MGST1: variants seen among roughly 807,000 people sequenced by gnomAD.
The protein encoded by MGST1 is microsomal glutathione S-transferase 1.
MGST1 carries 5 observed loss-of-function variants against 8.9 expected under a neutral mutation model. The ratio of observed to expected loss-of-function variants is 0.56; its 90% CI spans 0.29 to 1.19. The LOEUF (loss-of-function observed/expected upper bound fraction) is 1.19. MGST1 is among the 50% of genes most tolerant of loss of function. The pLI is 0.08. For missense variants in MGST1, 182 were observed against 187.4 expected, an observed-to-expected ratio of 0.97 and a Z score of 0.17; for synonymous variants, 54 against 67.8, an observed-to-expected ratio of 0.80 and a Z score of 1.00.
intron 4 of MGST1, among the ~76,000 whole-genome samples, chr12:16,531,305 G>T (rs1356855961): frequency 6.6e-6 from 1 of 151,676 alleles, no homozygotes; most frequent in Non-Finnish European, 1.5e-5. Flanking sequence ...TTTTTATTGA[G>T]ATTATTTTTA....
Position 16,584,595 on chromosome 12 carries a change from A to G in MGST1, n.483-4933A>G, listed in dbSNP as rs115400109. 0.048 allele frequency among the ~76,000 whole-genome samples: 7,317 copies of G among 152,180 alleles called. 346 individuals are homozygous for G. Among genetic ancestry groups the G allele is most frequent in the African/African-American group, 0.12 (5,045 of 41,498 alleles). On this transcript the variant is annotated intron_variant and non_coding_transcript_variant, in intron 4 of 4. Coordinates refer to the MGST1 transcript ENST00000538857. The surrounding 1 kb of genome is among the most constrained non-coding windows in gnomAD (Gnocchi z 5.2). ...TGGCAAGTGGAGGAGTGGGGGGGGT[A>G]AGAGGCCTGTTTAGAGGTGGATGGC...
intron 4 of MGST1, among the ~76,000 whole-genome samples, chr12:16,491,070 CTATT>C (rs1362427925): frequency 2.6e-5 from 4 of 152,054 alleles, no homozygotes; most frequent in African/African-American, 9.7e-5. Context: ...CTCGATATAA[CTATT>C]TATATGTTTT....
chr12:16,476,674 A>G (rs1296178744), intron 4 of MGST1, among the ~76,000 whole-genome samples: 3 of 152,192 alleles, frequency 2.0e-5, no homozygotes, highest in Non-Finnish European at 4.4e-5. Context: ...ACTGCTTTAG[A>G]TAATAATTTT....
chr12:16,347,890 C>G lies in MGST1; in HGVS notation c.-23+180C>G, dbSNP rs1387735256. On this transcript the variant is annotated intron_variant, in intron 1 of 3. Coordinates refer to ENST00000396210, the MANE Select transcript of MGST1 (RefSeq NM_020300.5). The surrounding 1 kb of genome is among the most constrained non-coding windows in gnomAD (Gnocchi z 4.0). ...TTTGAAAGGGAATTGTATTTCTGTCCCCGTGCGGGTAAGTTTTCCCATTTC... is the reference window on the plus strand; with the variant it reads ...TTTGAAAGGGAATTGTATTTCTGTCGCCGTGCGGGTAAGTTTTCCCATTTC... 1.3e-5 allele frequency: 2 copies of G among 152,144 alleles called. No individual in the cohort carries two copies. Among genetic ancestry groups the G allele is most frequent in the Non-Finnish European group, 2.9e-5 (2 of 68,048 alleles). The allele number at this position is 152,144 out of a possible 1,614,324, so 9.4% of individuals were successfully genotyped here.
At chr12:16,350,458 C>A (rs1430361645) in intron 1 of MGST1, among the ~76,000 whole-genome samples, 3 of 152,108 alleles carry the variant, frequency 2.0e-5, no homozygotes, top group African/African-American at 7.2e-5. Flanking sequence ...TCCTTCATTC[C>A]TTGAATCCTC....
intron 1 of MGST1, among the ~76,000 whole-genome samples, chr12:16,422,754 G>A (rs1477482864): frequency 6.6e-6 from 1 of 152,176 alleles, no homozygotes; most frequent in African/African-American, 2.4e-5. Context: ...TCTCAGGCCA[G>A]TTACTAAGAC....
chr12:16,491,060 C>T (rs1941434853), intron 4 of MGST1, among the ~76,000 whole-genome samples: 2 of 152,100 alleles, frequency 1.3e-5, no homozygotes, highest in South Asian at 4.1e-4. Flanking sequence ...ATCAAATTCT[C>T]TCGATATAAC....
At chr12:16,360,614 A>T (rs1196777888) in intron 3 of MGST1, among the ~76,000 whole-genome samples, 1 of 152,216 alleles carries the variant, frequency 6.6e-6, no homozygotes, top group African/African-American at 2.4e-5. Flanking sequence ...ACACAAAAAG[A>T]TAAAAAGAAA....
chr12:16,557,736 T>C (rs1942245271), intron 4 of MGST1, among the ~76,000 whole-genome samples: 1 of 152,110 alleles, frequency 6.6e-6, no homozygotes. Flanking sequence ...AATTATTTTA[T>C]TGAAGTTTCA....
intron 4 of MGST1, among the ~76,000 whole-genome samples, chr12:16,588,384 A>G (rs1057054762): frequency 6.6e-6 from 1 of 152,038 alleles, no homozygotes; most frequent in Non-Finnish European, 1.5e-5. Flanking sequence ...ACCTGAGAAA[A>G]AGATGCAAAA....
At chr12:16,399,135 C>T (rs1940630957) in intron 1 of MGST1, 1 of 823,538 alleles carries the variant, frequency 1.2e-6, no homozygotes, top group Non-Finnish European at 1.9e-6. Flanking sequence ...GATTGGTCCA[C>T]ATAAATGGCC....
intron 4 of MGST1, among the ~76,000 whole-genome samples, chr12:16,554,382 A>G (rs771022713): frequency 3.3e-5 from 5 of 152,192 alleles, no homozygotes; most frequent in South Asian, 2.1e-4. Flanking sequence ...GCTCCAATCC[A>G]TATTTCTAGT....
rs1200189498 is a variant in MGST1 at position 16,517,580 on chromosome 12, G to T, written n.483-71948G>T. On this transcript the variant is annotated intron_variant and non_coding_transcript_variant, in intron 4 of 4. Transcript: ENST00000538857. The surrounding 1 kb of genome is among the most constrained non-coding windows in gnomAD (Gnocchi z 4.2). ...ACTACAGCAGCACAAAACAGAGACAGCAGGTATCAGTAATATTTTGTTATA... is the reference window on the plus strand; with the variant it reads ...ACTACAGCAGCACAAAACAGAGACATCAGGTATCAGTAATATTTTGTTATA... 1.3e-5 allele frequency among the ~76,000 whole-genome samples: 2 copies of T among 152,162 alleles called. No individual in the cohort carries two copies. The highest frequency in any genetic ancestry group is 4.8e-5 in the African/African-American group (2 of 41,432).
intron 4 of MGST1, among the ~76,000 whole-genome samples, chr12:16,444,791 G>C (rs1332629266): frequency 1.3e-5 from 2 of 151,908 alleles, no homozygotes; most frequent in Admixed American, 6.6e-5. Context: ...ATCATGGATT[G>C]CTGCAGGGCC....
chr12:16,506,241 C>A (rs1267086161), intron 4 of MGST1, among the ~76,000 whole-genome samples: 1 of 152,100 alleles, frequency 6.6e-6, no homozygotes, highest in Non-Finnish European at 1.5e-5. Flanking sequence ...GAACCCGATT[C>A]CAACAGTGAC....
intron 4 of MGST1, among the ~76,000 whole-genome samples, chr12:16,448,913 A>T (rs1941105496): frequency 6.6e-6 from 1 of 151,938 alleles, no homozygotes; most frequent in Admixed American, 6.6e-5. Context: ...GTACTTTAAG[A>T]GATATCATTT....
Position 16,582,355 on chromosome 12 carries a change from G to A in MGST1, n.483-7173G>A, listed in dbSNP as rs1036548121. ...TGTTCCTATAGTATTATTCATTTTAGACAGTGACAGACTATTTGCTAATAT... is the reference window on the plus strand; with the variant it reads ...TGTTCCTATAGTATTATTCATTTTAAACAGTGACAGACTATTTGCTAATAT... On this transcript the variant is annotated intron_variant and non_coding_transcript_variant, in intron 4 of 4. Coordinates refer to the MGST1 transcript ENST00000538857. This position sits in a 1 kb window ranked among gnomAD's most constrained non-coding sequence, Gnocchi z 4.1. Among the ~76,000 whole-genome samples, 2 of 152,146 alleles carry A rather than the reference G, an allele frequency of 1.3e-5. No homozygotes were observed. The highest frequency in any genetic ancestry group is 2.9e-5 in the Non-Finnish European group (2 of 68,022).
At chr12:16,488,185 C>G (rs940507862) in intron 4 of MGST1, among the ~76,000 whole-genome samples, 5 of 152,144 alleles carry the variant, frequency 3.3e-5, no homozygotes, top group Non-Finnish European at 7.3e-5. Flanking sequence ...CTTTATAAAT[C>G]TTTCTGAACA....
rs570566552 is a variant in MGST1, at chr12:16,547,396, C to T, written n.483-42132C>T. ...ATTGAGTTAATGAGTAATTTGTGTG[C>T]GATAATTCTCTGAACACATTGATTA... On this transcript the variant is annotated intron_variant and non_coding_transcript_variant, in intron 4 of 4. Coordinates refer to the MGST1 transcript ENST00000538857. This position sits in a 1 kb window ranked among gnomAD's most constrained non-coding sequence, Gnocchi z 4.6. Among the ~76,000 whole-genome samples, 11 of 152,146 alleles carry T rather than the reference C, an allele frequency of 7.2e-5. No individual in the cohort carries two copies. Among genetic ancestry groups the T allele is most frequent in the South Asian group, 2.1e-4 (1 of 4,822 alleles).
Sources: allele counts gnomAD v4.1 joint callset (sites outside exome capture counted in the v4.1 genomes callset), GRCh38; gene constraint gnomAD v4.1.1; non-coding constraint Gnocchi (gnomAD v3.1); transcripts MANE v1.5; gene names NCBI Gene and HGNC (gene_info 2026-07-23, HGNC 2026-07-21).